Variants in STK10 observed in about 807,000 individuals in gnomAD.
STK10 encodes the protein serine/threonine kinase 10.
STK10 carries 78 observed loss-of-function variants against 113.8 expected under a neutral mutation model. The ratio of observed to expected loss-of-function variants is 0.69; its 90% CI spans 0.57 to 0.83. The LOEUF (loss-of-function observed/expected upper bound fraction) is 0.83. Among genes scored for constraint, STK10 ranks in the 40% least tolerant of loss-of-function variants. STK10 has a pLI of 0.00. For missense variants in STK10, 1,109 were observed against 1,280.1 expected (o/e 0.87, Z 2.04); for synonymous variants, 465 against 494.7 (o/e 0.94, Z 0.80).
At position 172,093,319 on chromosome 5, in the gene STK10, G is replaced by A; in HGVS notation, c.1554+93C>T. 7.3e-7 allele frequency: 1 copy of A among 1,362,152 alleles called. No individual in the cohort carries two copies. The highest frequency in any genetic ancestry group is 1.0e-6 in the Non-Finnish European group (1 of 998,172). The allele number at this position is 1,362,152 out of a possible 1,614,324, so 84.4% of individuals were successfully genotyped here. On this transcript the variant is annotated intron_variant, in intron 9 of 18. Coordinates refer to ENST00000176763, the MANE Select transcript of STK10 (RefSeq NM_005990.4). The surrounding 1 kb of genome is among the most constrained non-coding windows in gnomAD (Gnocchi z 4.1). ...CCCTAATGAACCACTTAAAATGCAAGGAAGCCCCTAAATGCTTTTGAAACC... is the reference window on the plus strand; with the variant it reads ...CCCTAATGAACCACTTAAAATGCAAAGAAGCCCCTAAATGCTTTTGAAACC...
At chr5:172,067,604 A>G (rs1194986348) in intron 12 of STK10, among the ~76,000 whole-genome samples, 1 of 152,016 alleles carries the variant, frequency 6.6e-6, no homozygotes, top group Non-Finnish European at 1.5e-5. Flanking sequence ...TAATATTTCA[A>G]GTATGGAAAG....
intron 7 of STK10, 141 bp downstream of exon 7, chr5:172,105,515 C>G (rs1334310812): frequency 9.4e-6 from 8 of 852,688 alleles, no homozygotes; most frequent in African/African-American, 1.7e-5. Flanking sequence ...TCAGGAGGTG[C>G]CTGGGGAATA....
At chr5:172,126,901 G>A (rs1769632889) in intron 3 of STK10, among the ~76,000 whole-genome samples, 1 of 152,190 alleles carries the variant, frequency 6.6e-6, no homozygotes, top group African/African-American at 2.4e-5. Context: ...CCTCAAGAGG[G>A]AGAGTGGCCA....
intron 7 of STK10, among the ~76,000 whole-genome samples, chr5:172,102,460 G>A (rs1294622115): frequency 1.3e-5 from 2 of 152,292 alleles, no homozygotes; most frequent in Non-Finnish European, 2.9e-5. Context: ...AGCTGGACGC[G>A]GGCCGAGGCA....
chr5:172,161,695 T>C (rs1770475371), intron 1 of STK10, among the ~76,000 whole-genome samples: 1 of 152,218 alleles, frequency 6.6e-6, no homozygotes, highest in African/African-American at 2.4e-5. Flanking sequence ...GCTGCTTATA[T>C]GTGTCAGTGC....
chr5:172,146,570 T>A (rs1156283423), intron 2 of STK10, among the ~76,000 whole-genome samples: 1 of 152,136 alleles, frequency 6.6e-6, no homozygotes, highest in Non-Finnish European at 1.5e-5. Context: ...TCCAGAGTGG[T>A]CACCTGGCCG....
At chr5:172,144,262 AGCT>A (rs770845626) in intron 2 of STK10, among the ~76,000 whole-genome samples, 4 of 152,262 alleles carry the variant, frequency 2.6e-5, no homozygotes, top group African/African-American at 9.6e-5. Context: ...GCCACGGGCA[AGCT>A]GCTTTCCCTC....
chr5:172,057,530 C>T (rs1156269056), intron 14 of STK10, 57 bp from the exon 15 acceptor site: 2 of 1,520,584 alleles, frequency 1.3e-6, no homozygotes, highest in South Asian at 2.5e-5. Context: ...ACTCGACAGG[C>T]CCCCTGCCCC....
rs186101842 is a variant in STK10 at position 172,126,652 on chromosome 5, G to A, written c.370+721C>T. Among the ~76,000 whole-genome samples, 50 of 152,294 alleles carry A rather than the reference G, an allele frequency of 3.3e-4. No individual in the cohort carries two copies. The East Asian group carries it at 7.9e-3, about 24-fold the overall frequency. On this transcript the variant is annotated intron_variant, in intron 3 of 18. Transcript: ENST00000176763. Reference sequence around the variant, plus strand: ...TGGGAACGTGGTTACCACACTCTCTGGCATATAGTGACTATTCACAAAGGA... The same window carrying A: ...TGGGAACGTGGTTACCACACTCTCTAGCATATAGTGACTATTCACAAAGGA...
chr5:172,054,536 T>C, intron 17 of STK10, 33 bp downstream of exon 17: 1 of 1,596,508 alleles, frequency 6.3e-7, no homozygotes. Flanking sequence ...TGAGGCAGCC[T>C]GGGGGCAGGG....
At chr5:172,143,281 G>A (rs1770015228) in intron 2 of STK10, among the ~76,000 whole-genome samples, 2 of 152,166 alleles carry the variant, frequency 1.3e-5, no homozygotes, top group Admixed American at 1.3e-4. Flanking sequence ...CAGGAGAATA[G>A]CTTGAACCGG....
intron 1 of STK10, among the ~76,000 whole-genome samples, chr5:172,185,398 C>T (rs751645162): frequency 8.5e-5 from 13 of 152,070 alleles, no homozygotes; most frequent in Admixed American, 2.6e-4. Flanking sequence ...CCTCCTGAGA[C>T]GCTGGGATTA....
chr5:172,123,615 G>A (rs1769560496), intron 3 of STK10, among the ~76,000 whole-genome samples: 1 of 152,114 alleles, frequency 6.6e-6, no homozygotes, highest in Non-Finnish European at 1.5e-5. Context: ...AGCACATATG[G>A]CTACCCAGCT....
intron 18 of STK10, among the ~76,000 whole-genome samples, chr5:172,048,831 C>T (rs966516680): frequency 2.0e-5 from 3 of 150,716 alleles, no homozygotes; most frequent in Non-Finnish European, 4.4e-5. Flanking sequence ...TTACGCAGGC[C>T]CCCCACCCCT....
chr5:172,188,100 G>A lies in STK10; in HGVS notation c.-58C>T. ...GGGCTCGGGCTCGGGCTGTGGCTTC[G>A]GCGGCCGCGAGGAGAAGGAGGAGGA... On this transcript the variant is annotated 5_prime_UTR_variant, in exon 1 of 19. Transcript: ENST00000176763. This position sits in a 1 kb window ranked among gnomAD's most constrained non-coding sequence, Gnocchi z 5.6. 1 of 1,575,108 alleles carries A rather than the reference G, an allele frequency of 6.3e-7. No homozygotes were observed. Among genetic ancestry groups the A allele is most frequent in the Non-Finnish European group, 8.6e-7 (1 of 1,160,984 alleles).
chr5:172,074,832 A>G (rs1768273279), intron 12 of STK10, among the ~76,000 whole-genome samples: 1 of 152,184 alleles, frequency 6.6e-6, no homozygotes, highest in African/African-American at 2.4e-5. Flanking sequence ...CAGCCTGGCC[A>G]ACATGGTGAA....
At chr5:172,123,092 C>A (rs547189441) in intron 3 of STK10, among the ~76,000 whole-genome samples, 2 of 152,286 alleles carry the variant, frequency 1.3e-5, no homozygotes, top group East Asian at 3.9e-4. Context: ...AAAAGAGAAA[C>A]CTGGAATGGA....
At chr5:172,107,668 G>T in intron 5 of STK10, 112 bp downstream of exon 5, 1 of 1,029,610 alleles carries the variant, frequency 9.7e-7, no homozygotes, top group Non-Finnish European at 1.4e-6. Flanking sequence ...AAGCCACGAG[G>T]CAGGGCGTGT....
chr5:172,079,545 A>G (rs1768384349), intron 12 of STK10, among the ~76,000 whole-genome samples: 2 of 146,498 alleles, frequency 1.4e-5, no homozygotes, highest in Admixed American at 6.7e-5. Flanking sequence ...GAATATATAC[A>G]TATATTTATT....
Sources: allele counts gnomAD v4.1 joint callset (sites outside exome capture counted in the v4.1 genomes callset), GRCh38; gene constraint gnomAD v4.1.1; non-coding constraint Gnocchi (gnomAD v3.1); transcripts MANE v1.5; gene names NCBI Gene and HGNC (gene_info 2026-07-23, HGNC 2026-07-21).